ZNF670: variants seen among roughly 807,000 people sequenced by gnomAD.
ZNF670 encodes zinc finger protein 670.
ZNF670 carries 7 observed loss-of-function variants against 10.9 expected under a neutral mutation model. That is an observed-to-expected ratio of 0.64 (90% CI 0.36 to 1.20). The LOEUF (loss-of-function observed/expected upper bound fraction) is 1.20, where lower values mean the gene tolerates loss of function less well. ZNF670 is among the 50% of genes most tolerant of loss of function. The probability of loss-of-function intolerance (pLI) is 0.02; values close to 1 mark genes in which losing one functional copy is unlikely to be tolerated. For missense variants in ZNF670, 446 were observed against 458.6 expected, an observed-to-expected ratio of 0.97 and a Z score of 0.25; for synonymous variants, 136 against 152.7, an observed-to-expected ratio of 0.89 and a Z score of 0.81.
At chr1:247,066,204 TG>T (rs748655967) in intron 1 of ZNF670, among the ~76,000 whole-genome samples, 3 of 152,140 alleles carry the variant, frequency 2.0e-5, no homozygotes, top group Non-Finnish European at 4.4e-5. Flanking sequence ...GCACTGACAG[TG>T]GACCGAGAAA....
At chr1:247,043,725 G>C in intron 1 of ZNF670, 1 of 443,084 alleles carries the variant, frequency 2.3e-6, no homozygotes, top group South Asian at 1.8e-5. Flanking sequence ...ATTTACCGCA[G>C]AGCCCTTTTA....
intron 1 of ZNF670, among the ~76,000 whole-genome samples, chr1:247,071,734 C>A (rs1671119706): frequency 6.6e-6 from 1 of 152,128 alleles, no homozygotes; most frequent in Admixed American, 6.5e-5. Context: ...ATTATTTATA[C>A]TGTTATTTTT....
At chr1:247,040,520 A>T (rs1453808345) in intron 1 of ZNF670, among the ~76,000 whole-genome samples, 1 of 152,188 alleles carries the variant, frequency 6.6e-6, no homozygotes, top group Non-Finnish European at 1.5e-5. Flanking sequence ...TAACAAAAAA[A>T]AAATGTCTAA....
chr1:247,040,428 C>T (rs1670276855), intron 1 of ZNF670, among the ~76,000 whole-genome samples: 1 of 152,112 alleles, frequency 6.6e-6, no homozygotes, highest in African/African-American at 2.4e-5. Flanking sequence ...CAAGATATCA[C>T]CTCTTTCAAA....
In ZNF670 at chr1:247,037,670, C is replaced by T. The variant is rs780678776; in HGVS notation, c.949G>A (p.Ala317Thr). The T allele has an allele frequency of 3.7e-6, 6 of 1,614,018 alleles. No homozygotes were observed. The East Asian group carries it at 8.9e-5, about 24-fold the overall frequency. ...CATAGGTTACTAGAATATTTGAAGGCTTTACCACATTGTTTACATTCATAG... is the reference window on the plus strand; with the variant it reads ...CATAGGTTACTAGAATATTTGAAGGTTTTACCACATTGTTTACATTCATAG... The part of the protein sequence containing the change: ...KPYECKQCGK[A>T]FKYSSNLCEH... The change falls in exon 4 of 4, where the codon GCC becomes ACC. Residue 317 changes from alanine (A) to threonine (T), a missense_variant. Coordinates refer to ENST00000366503, the MANE Select transcript of ZNF670 (RefSeq NM_033213.5).
At chr1:247,067,350 C>T (rs60583244) in intron 1 of ZNF670, among the ~76,000 whole-genome samples, 35,028 of 149,378 alleles carry the variant, frequency 0.23, 4,603 homozygotes, top group Middle Eastern at 0.35. Context: ...ACAGGAGAAT[C>T]GCTTGAACCT....
chr1:247,037,893 T>A lies in ZNF670; in HGVS notation c.726A>T (p.Gln242His). ...KSFTFSSSLR[Q>H]HERSHTGEKP... ...TCTCTCCAGTATGAGATCTTTCATG[T>A]TGGCGAAGAGAACTGGAAAAAGTGA... Residue 242 changes from glutamine to histidine, a missense_variant, in exon 4 of 4, where the codon CAA becomes CAT. Gln to His is a conservative substitution (Grantham distance 24). Transcript: ENST00000366503. 3 of 1,614,076 alleles carry A rather than the reference T, an allele frequency of 1.9e-6. No homozygotes were observed. The highest frequency in any genetic ancestry group is 1.3e-5 in the African/African-American group (1 of 75,042).
At chr1:247,058,671 A>G (rs538858937) in intron 1 of ZNF670, among the ~76,000 whole-genome samples, 1 of 151,900 alleles carries the variant, frequency 6.6e-6, no homozygotes, top group African/African-American at 2.4e-5. Context: ...ATCAGAAATA[A>G]AAGAGGTTCC....
At chr1:247,043,692 C>CA (rs1670372726) in intron 1 of ZNF670, 2 of 478,094 alleles carry the variant, frequency 4.2e-6, no homozygotes, top group African/African-American at 4.0e-5. Context: ...GATGGGGTAT[C>CA]AATGTCAACA....
At chr1:247,043,502 A>C (rs1324544543) in intron 1 of ZNF670, 1 of 651,238 alleles carries the variant, frequency 1.5e-6, no homozygotes, top group Non-Finnish European at 2.7e-6. Flanking sequence ...AAATAACAAA[A>C]GCTGGGATAA....
chr1:247,035,415 T>C lies in ZNF670; in HGVS notation c.*2034A>G, dbSNP rs1192981226. On this transcript the variant is annotated 3_prime_UTR_variant, in exon 4 of 4. Transcript: ENST00000366503. ...GGTGTAAGGGGAATGCTTTGTAGTA[T>C]CAAGAACGTGAGATGCTTCTTGGTT... Among the ~76,000 whole-genome samples, 1 of 152,186 alleles carries C rather than the reference T, an allele frequency of 6.6e-6. No homozygotes were observed. The highest frequency in any genetic ancestry group is 1.5e-5 in the Non-Finnish European group (1 of 68,038).
intron 1 of ZNF670, among the ~76,000 whole-genome samples, chr1:247,054,634 C>A (rs991962973): frequency 1.3e-5 from 2 of 152,150 alleles, no homozygotes; most frequent in South Asian, 4.1e-4. Flanking sequence ...ATACAGTGGG[C>A]CCTGAATAAC....
Position 247,038,298 on chromosome 1 carries a change from C to T in ZNF670, c.321G>A (p.Val107=). ...STGVKPCECS[V]CGKVFICHSA... is the part of the protein sequence containing the mutation. ...AATGACATATGAAGACTTTTCCACACACACTGCATTCACATGGCTTTACTC... is the reference window on the plus strand; with the variant it reads ...AATGACATATGAAGACTTTTCCACATACACTGCATTCACATGGCTTTACTC... Residue 107 remains valine, a synonymous_variant, in exon 4 of 4, where the codon GTG becomes GTA. Transcript: ENST00000366503. 1 of 1,614,212 alleles carries T rather than the reference C, an allele frequency of 6.2e-7. No individual in the cohort carries two copies. Among genetic ancestry groups the T allele is most frequent in the Non-Finnish European group, 8.5e-7 (1 of 1,180,028 alleles).
chr1:247,049,384 T>C (rs970010358), intron 1 of ZNF670, among the ~76,000 whole-genome samples: 10 of 152,224 alleles, frequency 6.6e-5, no homozygotes, highest in African/African-American at 2.2e-4. Flanking sequence ...TCATTTCTAA[T>C]TGAGCTTATT....
At position 247,037,903 on chromosome 1, in the gene ZNF670, G is replaced by A; in HGVS notation, c.716C>T (p.Ser239Phe). ...KCGKSFTFSSSLRQHERSHTG... is the reference protein window; with the variant it reads ...KCGKSFTFSSFLRQHERSHTG... ...ATGAGATCTTTCATGTTGGCGAAGAGAACTGGAAAAAGTGAATGATTTACC... is the reference window on the plus strand; with the variant it reads ...ATGAGATCTTTCATGTTGGCGAAGAAAACTGGAAAAAGTGAATGATTTACC... The change falls in exon 4 of 4, where the codon TCT (serine) becomes TTT (phenylalanine). Residue 239 changes from serine (S) to phenylalanine (F), a missense_variant. Coordinates refer to ENST00000366503, the MANE Select transcript of ZNF670 (RefSeq NM_033213.5). 1 of 1,613,948 alleles carries A rather than the reference G, an allele frequency of 6.2e-7. No homozygotes were observed. Among genetic ancestry groups the A allele is most frequent in the Non-Finnish European group, 8.5e-7 (1 of 1,179,968 alleles).
At chr1:247,069,092 T>C (rs1671058988) in intron 1 of ZNF670, among the ~76,000 whole-genome samples, 1 of 150,718 alleles carries the variant, frequency 6.6e-6, no homozygotes, top group South Asian at 2.1e-4. Context: ...AAAAAAATAC[T>C]TAGAAAGAAT....
intron 1 of ZNF670, among the ~76,000 whole-genome samples, chr1:247,076,056 A>G (rs1671243534): frequency 6.6e-6 from 1 of 152,152 alleles, no homozygotes; most frequent in African/African-American, 2.4e-5. Flanking sequence ...TGAAAAACTG[A>G]AACTGAACTA....
intron 1 of ZNF670, among the ~76,000 whole-genome samples, chr1:247,053,319 G>T (rs61467097): frequency 0.011 from 1,661 of 152,282 alleles, 25 homozygotes; most frequent in African/African-American, 0.038. Flanking sequence ...GCCCAGGAAA[G>T]TTCATGCTCA....
At chr1:247,070,344 G>C (rs974847100) in intron 1 of ZNF670, among the ~76,000 whole-genome samples, 2 of 151,998 alleles carry the variant, frequency 1.3e-5, no homozygotes, top group African/African-American at 4.8e-5. Flanking sequence ...GGTGGCAGGC[G>C]CCTGTAGTCC....
Sources: allele counts gnomAD v4.1 joint callset (sites outside exome capture counted in the v4.1 genomes callset), GRCh38; gene constraint gnomAD v4.1.1; transcripts MANE v1.5; gene names NCBI Gene and HGNC (gene_info 2026-07-23, HGNC 2026-07-21).